BCR: variants seen among roughly 807,000 people sequenced by gnomAD.
The protein encoded by BCR is BCR activator of RhoGEF and GTPase, also known as breakpoint cluster region protein.
A neutral mutation model predicts 138.6 loss-of-function variants in BCR; 58 were observed. That is an observed-to-expected ratio of 0.42 (90% CI 0.34 to 0.52). The LOEUF (loss-of-function observed/expected upper bound fraction) is 0.52, where lower values mean the gene tolerates loss of function less well. Ranked by LOEUF, BCR falls within the 20% of genes least tolerant of loss-of-function variation. The probability of loss-of-function intolerance (pLI) is 0.06; values close to 1 mark genes in which losing one functional copy is unlikely to be tolerated. For missense variants in BCR, 1,599 were observed against 1,727.2 expected (o/e 0.93, Z 1.32); for synonymous variants, 786 against 730.1 (o/e 1.08, Z -1.23).
At chr22:23,293,054 T>C (rs2073806741) in intron 15 of BCR, among the ~76,000 whole-genome samples, 1 of 151,946 alleles carries the variant, frequency 6.6e-6, no homozygotes, top group Non-Finnish European at 1.5e-5. Flanking sequence ...AGGGTCCTGC[T>C]TGCTTGTCTC....
chr22:23,263,510 G>A, intron 4 of BCR: 3 of 1,573,678 alleles, frequency 1.9e-6, no homozygotes, highest in Non-Finnish European at 2.6e-6. Context: ...ATGATGCTTT[G>A]TACATATCCC....
At chr22:23,227,149 A>T (rs950418020) in intron 1 of BCR, among the ~76,000 whole-genome samples, 1 of 152,248 alleles carries the variant, frequency 6.6e-6, no homozygotes, top group Non-Finnish European at 1.5e-5. Flanking sequence ...AGGGTCTGTC[A>T]TAAAATATTT....
chr22:23,228,666 C>CT (rs903614915), intron 1 of BCR, among the ~76,000 whole-genome samples: 1 of 152,140 alleles, frequency 6.6e-6, no homozygotes, highest in South Asian at 2.1e-4. Context: ...TCTTTTAGGA[C>CT]TTTAAGATGT....
intron 1 of BCR, among the ~76,000 whole-genome samples, chr22:23,191,092 C>T (rs930869770): frequency 1.3e-5 from 2 of 152,034 alleles, no homozygotes; most frequent in African/African-American, 4.8e-5. Flanking sequence ...GCCACCATGC[C>T]TGGCTAATTT....
rs1048929045 is a variant in BCR, at chr22:23,234,830, G to A, written c.1280-18969G>A. On this transcript the variant is annotated intron_variant, in intron 1 of 22. Coordinates refer to ENST00000305877, the MANE Select transcript of BCR (RefSeq NM_004327.4). ...GAGCTGGAGCCGTGGGACCAGGGCCGAACCCGTGTGCTGGACAGTCTTCGG... is the reference window on the plus strand; with the variant it reads ...GAGCTGGAGCCGTGGGACCAGGGCCAAACCCGTGTGCTGGACAGTCTTCGG... Among the ~76,000 whole-genome samples the A allele has an allele frequency of 1.4e-5, 2 of 143,892 alleles. 1 individual carries two copies. The highest frequency in any genetic ancestry group is 3.2e-5 in the Non-Finnish European group (2 of 63,236). 94.4% of individuals were successfully genotyped at this position (143,892 alleles called of 152,430 possible). A position where few individuals can be genotyped will look rare whatever the true frequency, so the allele number is the denominator to read the frequency against.
chr22:23,288,570 G>A (rs1165823209), intron 12 of BCR, among the ~76,000 whole-genome samples: 13 of 149,118 alleles, frequency 8.7e-5, no homozygotes, highest in Non-Finnish European at 3.0e-5. Context: ...CCATTTTCTT[G>A]GCCTCCCCCA....
At chr22:23,213,854 GAA>G (rs1237666179) in intron 1 of BCR, among the ~76,000 whole-genome samples, 7 of 148,198 alleles carry the variant, frequency 4.7e-5, no homozygotes, top group African/African-American at 1.8e-4. Flanking sequence ...AAAAAAAGAA[GAA>G]GAAGGAGGAG....
At chr22:23,245,503 T>C (rs1321853548) in intron 1 of BCR, among the ~76,000 whole-genome samples, 2 of 152,160 alleles carry the variant, frequency 1.3e-5, no homozygotes, top group African/African-American at 4.8e-5. Flanking sequence ...CCAAGGACCC[T>C]GGTGGCAGGC....
At chr22:23,298,275 GA>G (rs987219845) in intron 16 of BCR, among the ~76,000 whole-genome samples, 1 of 152,208 alleles carries the variant, frequency 6.6e-6, no homozygotes, top group African/African-American at 2.4e-5. Flanking sequence ...TCCCCCGGGG[GA>G]TGGCGTGGGG....
intron 8 of BCR, among the ~76,000 whole-genome samples, chr22:23,278,033 A>G (rs1210957878): frequency 6.6e-6 from 1 of 152,166 alleles, no homozygotes; most frequent in East Asian, 1.9e-4. Flanking sequence ...CTGGGTTCTG[A>G]GGGCTGGTGG....
rs779495656 is a variant in BCR, at chr22:23,289,634, G to T, written c.2707+13G>T. ...ATCAATAAGGAAGGTGGGCCCCCCC[G>T]TTTCCGTGTACAGGGCACCTGCAGG... On this transcript the variant is annotated intron_variant, in intron 13 of 22. Coordinates refer to ENST00000305877, the MANE Select transcript of BCR (RefSeq NM_004327.4). The T allele has an allele frequency of 1.3e-6, 2 of 1,593,634 alleles. No individual in the cohort carries two copies. The highest frequency in any genetic ancestry group is 1.5e-5 in the African/African-American group (1 of 67,962).
chr22:23,256,899 G>A (rs2073301023), intron 2 of BCR, among the ~76,000 whole-genome samples: 1 of 152,118 alleles, frequency 6.6e-6, no homozygotes, highest in African/African-American at 2.4e-5. Flanking sequence ...TTAGCCTCAA[G>A]TTTTGTGTTT....
chr22:23,269,179 G>A (rs936056018), intron 5 of BCR, among the ~76,000 whole-genome samples: 1 of 152,220 alleles, frequency 6.6e-6, no homozygotes, highest in Non-Finnish European at 1.5e-5. Flanking sequence ...GAAGGCTGGT[G>A]GCCCAGCCAG....
intron 1 of BCR, among the ~76,000 whole-genome samples, chr22:23,229,991 A>G (rs1257257341): frequency 6.6e-6 from 1 of 151,254 alleles, no homozygotes; most frequent in African/African-American, 2.4e-5. Flanking sequence ...AAAGAGTTCA[A>G]TCTACAGGAT....
intron 1 of BCR, among the ~76,000 whole-genome samples, chr22:23,223,758 C>G (rs925993545): frequency 6.6e-6 from 1 of 152,184 alleles, no homozygotes; most frequent in Non-Finnish European, 1.5e-5. Context: ...GTTTCTAGAC[C>G]CTGATTGCCA....
intron 22 of BCR, 31 bp downstream of exon 22, chr22:23,314,745 C>T (rs2074049389): frequency 1.2e-6 from 2 of 1,611,380 alleles, no homozygotes; most frequent in Non-Finnish European, 1.7e-6. Flanking sequence ...GCCCATGCAA[C>T]CCTGACCTGA....
intron 8 of BCR, among the ~76,000 whole-genome samples, chr22:23,274,308 C>T (rs907409633): frequency 2.6e-5 from 4 of 152,240 alleles, no homozygotes; most frequent in South Asian, 2.1e-4. Context: ...CCTTCCCCCC[C>T]GTCACTGATG....
chr22:23,301,105 AC>A (rs770761779), intron 16 of BCR, among the ~76,000 whole-genome samples: 8 of 152,210 alleles, frequency 5.3e-5, no homozygotes, highest in Non-Finnish European at 8.8e-5. Flanking sequence ...GGAGTTCAAG[AC>A]CGGCCTGACC....
At chr22:23,253,485 G>A (rs2073255305) in intron 1 of BCR, among the ~76,000 whole-genome samples, 1 of 152,166 alleles carries the variant, frequency 6.6e-6, no homozygotes, top group African/African-American at 2.4e-5. Context: ...AGGGTTTTAG[G>A]ACCTGCATGC....
Sources: allele counts gnomAD v4.1 joint callset (sites outside exome capture counted in the v4.1 genomes callset), GRCh38; gene constraint gnomAD v4.1.1; transcripts MANE v1.5; gene names NCBI Gene and HGNC (gene_info 2026-07-23, HGNC 2026-07-21).